The following CBLB variants were observed in gnomAD, a reference collection of about 807,000 sequenced individuals.
The protein encoded by CBLB is E3 ubiquitin-protein ligase CBL-B.
A neutral mutation model predicts 104.9 loss-of-function variants in CBLB; 31 were observed. That is an observed-to-expected ratio of 0.30 (90% CI 0.22 to 0.40). CBLB has a LOEUF of 0.40. Among genes scored for constraint, CBLB ranks in the 10% least tolerant of loss-of-function variants. CBLB has a pLI of 1.00. For synonymous variants in CBLB, 440 were observed against 422.6 expected (o/e 1.04, Z -0.51); for missense variants, 1,062 against 1,214.6 (o/e 0.87, Z 1.87).
rs1553789070 is a variant in CBLB at position 105,780,667 on chromosome 3, T to TTG, written c.420-4126_420-4125insCA. Among the ~76,000 whole-genome samples, 13 of 121,242 alleles carry TTG rather than the reference T, an allele frequency of 1.1e-4. 1 individual carries two copies. The highest frequency in any genetic ancestry group is 5.3e-4 in the Admixed American group (6 of 11,238). The allele number at this position is 121,242 out of a possible 152,430, so 79.5% of individuals were successfully genotyped here. A position where few individuals can be genotyped will look rare whatever the true frequency, so the allele number is the denominator to read the frequency against. On this transcript the variant is annotated intron_variant, in intron 3 of 18. Coordinates refer to ENST00000394030, the MANE Select transcript of CBLB (RefSeq NM_170662.5). ...ATAAAAGTTTTGTTTTTTGTTTTTT[T>TTG]TTTTTTTTTTTTTGAGATGGAGTCT... is the stretch of plus-strand genomic sequence containing the variant.
intron 12 of CBLB, among the ~76,000 whole-genome samples, chr3:105,696,466 T>C (rs1321511673): frequency 1.3e-5 from 2 of 151,854 alleles, no homozygotes; most frequent in African/African-American, 2.4e-5. Context: ...ATAAATACTT[T>C]ATATATTTTC....
chr3:105,680,249 T>A (rs191732725), intron 16 of CBLB, among the ~76,000 whole-genome samples: 2 of 151,800 alleles, frequency 1.3e-5, no homozygotes, highest in African/African-American at 4.8e-5. Flanking sequence ...CTAAGTAGAG[T>A]AAACAGTATG....
At position 105,751,163 on chromosome 3, in the gene CBLB, A is replaced by G. The variant is rs576312500; in HGVS notation, c.723+299T>C. On this transcript the variant is annotated intron_variant, in intron 5 of 18. Transcript: ENST00000394030. Reference sequence around the variant, plus strand: ...TGCTAAAAGATCAACAAAATAAAGTAAGAAACTAAGTAGAGAGTTTAAAAC... The same window carrying G: ...TGCTAAAAGATCAACAAAATAAAGTGAGAAACTAAGTAGAGAGTTTAAAAC... Among the ~76,000 whole-genome samples the G allele has an allele frequency of 2.6e-5, 4 of 152,352 alleles. No individual in the cohort carries two copies. The South Asian group carries it at 6.2e-4, about 24-fold the overall frequency.
intron 3 of CBLB, among the ~76,000 whole-genome samples, chr3:105,845,943 A>T (rs1357466584): frequency 6.6e-6 from 1 of 152,130 alleles, no homozygotes; most frequent in Admixed American, 6.5e-5. Context: ...TCTAAAGCAA[A>T]TTCTACTTCC....
At chr3:105,715,882 T>A (rs888030856) in intron 10 of CBLB, among the ~76,000 whole-genome samples, 1 of 151,996 alleles carries the variant, frequency 6.6e-6, no homozygotes, top group African/African-American at 2.4e-5. Context: ...CTACTAAAAA[T>A]ACAAAAATTA....
At chr3:105,831,610 CA>C (rs747218874) in intron 3 of CBLB, among the ~76,000 whole-genome samples, 6 of 152,198 alleles carry the variant, frequency 3.9e-5, no homozygotes, top group African/African-American at 1.4e-4. Flanking sequence ...CTTTGAAAGA[CA>C]GTTAAAATTT....
At chr3:105,664,972 C>G (rs2064210464) in intron 18 of CBLB, among the ~76,000 whole-genome samples, 1 of 152,078 alleles carries the variant, frequency 6.6e-6, no homozygotes, top group Admixed American at 6.6e-5. Context: ...GATGGGATAA[C>G]AACATAAACT....
intron 10 of CBLB, among the ~76,000 whole-genome samples, chr3:105,708,190 C>A (rs965731413): frequency 1.3e-5 from 2 of 152,062 alleles, no homozygotes; most frequent in Non-Finnish European, 2.9e-5. Context: ...GGCCATTTAT[C>A]TTTTTCTACA....
intron 13 of CBLB, among the ~76,000 whole-genome samples, chr3:105,690,077 A>C (rs576612867): frequency 6.6e-6 from 1 of 152,230 alleles, no homozygotes; most frequent in African/African-American, 2.4e-5. Flanking sequence ...AGAGTAAACA[A>C]TATCAAATAT....
At chr3:105,841,254 C>T (rs1217821136) in intron 3 of CBLB, among the ~76,000 whole-genome samples, 1 of 149,194 alleles carries the variant, frequency 6.7e-6, no homozygotes, top group Non-Finnish European at 1.5e-5. Context: ...CGAGATCGTG[C>T]CACTGCACTC....
At chr3:105,844,457 T>G (rs1270643013) in intron 3 of CBLB, among the ~76,000 whole-genome samples, 1 of 152,236 alleles carries the variant, frequency 6.6e-6, no homozygotes, top group African/African-American at 2.4e-5. Flanking sequence ...TTTAATTTGT[T>G]CTTCAATGTT....
intron 9 of CBLB, among the ~76,000 whole-genome samples, chr3:105,721,047 T>C (rs540171684): frequency 1.3e-5 from 2 of 152,332 alleles, no homozygotes; most frequent in East Asian, 3.9e-4. Context: ...TAAAGACTGT[T>C]TTCTTGCCCT....
rs1015693788 is a variant in CBLB, at chr3:105,798,751, C to A, written c.420-22209G>T. On this transcript the variant is annotated intron_variant, in intron 3 of 18. Transcript: ENST00000394030. ...CTACTCTTTTTTTTCCCCTTTGCTG[C>A]TTATTTTGAGTGACATGCATTTATG... 5.3e-5 allele frequency among the ~76,000 whole-genome samples: 8 copies of A among 152,034 alleles called. No individual in the cohort carries two copies. The East Asian group carries it at 1.2e-3, about 22-fold the overall frequency.
chr3:105,831,421 C>T lies in CBLB; in HGVS notation c.419+21993G>A, dbSNP rs184198472. On this transcript the variant is annotated intron_variant, in intron 3 of 18. Transcript: ENST00000394030. ...CCAGGCGGGCTCAAATGCCATCCTC[C>T]GTGATTCCTGAAAATTGTGAGCTTC... is the stretch of plus-strand genomic sequence containing the variant. Among the ~76,000 whole-genome samples the T allele has an allele frequency of 2.7e-4, 41 of 152,326 alleles. 1 individual carries two copies. The South Asian group carries it at 7.5e-3, about 28-fold the overall frequency.
intron 4 of CBLB, among the ~76,000 whole-genome samples, chr3:105,755,011 CTTTTCT>C (rs1471830713): frequency 8.0e-6 from 1 of 124,326 alleles, no homozygotes; most frequent in Non-Finnish European, 1.7e-5. Flanking sequence ...AAAACAGTAT[CTTTTCT>C]TTTTTTTTTT....
chr3:105,788,638 C>T (rs2081296058), intron 3 of CBLB, among the ~76,000 whole-genome samples: 1 of 152,168 alleles, frequency 6.6e-6, no homozygotes, highest in African/African-American at 2.4e-5. Flanking sequence ...CTAAAACATA[C>T]ATTGTAAAAG....
At position 105,695,287 on chromosome 3, in the gene CBLB, G is replaced by T. The variant is rs555821507; in HGVS notation, c.1960-1699C>A. Among the ~76,000 whole-genome samples, 8 of 151,862 alleles carry T rather than the reference G, an allele frequency of 5.3e-5. No homozygotes were observed. In the South Asian group the frequency reaches 1.2e-3, roughly 24 times the overall value. On this transcript the variant is annotated intron_variant, in intron 12 of 18. Coordinates refer to ENST00000394030, the MANE Select transcript of CBLB (RefSeq NM_170662.5). ...GGGAATAATAGTTTCAGCTGTATTG[G>T]CTCTAATTTAACAATAAACCAACTA...
intron 3 of CBLB, among the ~76,000 whole-genome samples, chr3:105,830,224 TAATA>T (rs145021665): frequency 0.071 from 10,852 of 152,190 alleles, 551 homozygotes; most frequent in East Asian, 0.3. Flanking sequence ...AGCCTACTAT[TAATA>T]AATAAATAAA....
intron 4 of CBLB, among the ~76,000 whole-genome samples, chr3:105,768,252 G>C (rs1383114930): frequency 2.6e-5 from 4 of 151,998 alleles, no homozygotes; most frequent in African/African-American, 7.3e-5. Flanking sequence ...AACACTAATG[G>C]GAAAAATTAT....
Sources: gnomAD v4.1 joint callset for allele counts (sites outside exome capture counted in the v4.1 genomes callset) on GRCh38, gnomAD v4.1.1 for gene constraint, MANE v1.5 for transcripts, NCBI Gene and HGNC (gene_info 2026-07-23, HGNC 2026-07-21) for gene names.